SYNJ1: variants seen among roughly 807,000 people sequenced by gnomAD.
The protein encoded by SYNJ1 is polyphosphatidylinositol phosphatase SYNJ1.
A neutral mutation model predicts 168.2 loss-of-function variants in SYNJ1; 78 were observed. That is an observed-to-expected ratio of 0.46 (90% CI 0.39 to 0.56). The LOEUF is 0.56. Among genes scored for constraint, SYNJ1 ranks in the 20% least tolerant of loss-of-function variants. SYNJ1 has a pLI of 0.00. For synonymous variants in SYNJ1, 539 were observed against 548.6 expected, an observed-to-expected ratio of 0.98 and a Z score of 0.24; for missense variants, 1,303 against 1,597.6, an observed-to-expected ratio of 0.82 and a Z score of 3.14.
intron 9 of SYNJ1, 66 bp from the exon 10 acceptor site, chr21:32,684,185 T>C (rs756089680): frequency 1.1e-5 from 16 of 1,465,862 alleles, no homozygotes; most frequent in Non-Finnish European, 1.4e-5. Flanking sequence ...CAGTGAATAA[T>C]TGAGGTAATT....
Position 32,701,872 on chromosome 21 carries a change from C to T in SYNJ1, c.211+89G>A, listed in dbSNP as rs900935348. ...ATGTGTAGCTTAAATATGGAGTCTA[C>T]AATAATTCATAGCTAGTCCCTCTCA... is the stretch of plus-strand genomic sequence containing the variant. On this transcript the variant is annotated intron_variant, in intron 3 of 32. Coordinates refer to ENST00000674351, the MANE Select transcript of SYNJ1 (RefSeq NM_203446.3). 7 of 925,290 alleles carry T rather than the reference C, an allele frequency of 7.6e-6. No individual in the cohort carries two copies. In the African/African-American group the frequency reaches 9.9e-5, roughly 13 times the overall value. 57.3% of individuals were successfully genotyped at this position (925,290 alleles called of 1,614,324 possible).
chr21:32,679,802 G>GA (rs1403712057), intron 11 of SYNJ1, among the ~76,000 whole-genome samples: 1 of 152,008 alleles, frequency 6.6e-6, no homozygotes, highest in Non-Finnish European at 1.5e-5. Flanking sequence ...GACATTATTT[G>GA]AAAAGACACT....
chr21:32,683,892 C>G (rs1488279199), intron 10 of SYNJ1, 146 bp downstream of exon 10: 2 of 632,820 alleles, frequency 3.2e-6, no homozygotes, highest in Non-Finnish European at 5.2e-6. Context: ...GAAAGTTTGG[C>G]CAAAAAAAGA....
intron 2 of SYNJ1, among the ~76,000 whole-genome samples, chr21:32,714,166 G>A (rs868497586): frequency 1.3e-5 from 2 of 152,104 alleles, no homozygotes; most frequent in African/African-American, 2.4e-5. Context: ...AGACCCTGAC[G>A]CCAGAAAGAA....
intron 2 of SYNJ1, among the ~76,000 whole-genome samples, chr21:32,704,844 T>C (rs2042547698): frequency 6.6e-6 from 1 of 151,878 alleles, no homozygotes; most frequent in African/African-American, 2.4e-5. Flanking sequence ...GAATGGACAG[T>C]GTTGATTAGA....
intron 18 of SYNJ1, among the ~76,000 whole-genome samples, chr21:32,662,543 T>G (rs2040755425): frequency 6.6e-6 from 1 of 152,128 alleles, no homozygotes; most frequent in East Asian, 1.9e-4. Flanking sequence ...GACTGAAGAC[T>G]GATGGGGACT....
At chr21:32,669,478 T>C (rs1332507085) in intron 15 of SYNJ1, among the ~76,000 whole-genome samples, 6 of 152,214 alleles carry the variant, frequency 3.9e-5, no homozygotes, top group Admixed American at 2.0e-4. Flanking sequence ...TATAATGAAA[T>C]GTGTTAAAAT....
intron 21 of SYNJ1, 24 bp from the exon 22 acceptor site, chr21:32,653,390 C>T: frequency 6.5e-7 from 1 of 1,541,618 alleles, no homozygotes; most frequent in Non-Finnish European, 9.0e-7. Flanking sequence ...AATAAAAAAC[C>T]ATAATTAATA....
intron 20 of SYNJ1, 46 bp from the exon 21 acceptor site, chr21:32,656,948 G>A: frequency 6.2e-7 from 1 of 1,610,310 alleles, no homozygotes; most frequent in Non-Finnish European, 8.5e-7. Flanking sequence ...GTTTTTAAAA[G>A]GGTGTATTTC....
At chr21:32,637,406 C>CTTTTTTTTTT (rs5843562) in intron 31 of SYNJ1, among the ~76,000 whole-genome samples, 3 of 100,296 alleles carry the variant, frequency 3.0e-5, no homozygotes, top group South Asian at 3.4e-4. Flanking sequence ...TTTCTTTTTT[C>CTTTTTTTTTT]TTTTTTTTTT....
At chr21:32,709,297 T>C (rs2042729983) in intron 2 of SYNJ1, among the ~76,000 whole-genome samples, 1 of 151,636 alleles carries the variant, frequency 6.6e-6, no homozygotes, top group African/African-American at 2.4e-5. Flanking sequence ...ACCAGCATGG[T>C]GAAACCCTGT....
intron 31 of SYNJ1, among the ~76,000 whole-genome samples, chr21:32,635,742 C>T (rs750573850): frequency 1.2e-4 from 19 of 152,074 alleles, no homozygotes; most frequent in Non-Finnish European, 2.9e-5. Flanking sequence ...TTATCTTACT[C>T]AAATTTTCTG....
chr21:32,676,424 T>C (rs2041412102), intron 12 of SYNJ1, 69 bp from the exon 13 acceptor site: 4 of 1,482,662 alleles, frequency 2.7e-6, no homozygotes, highest in African/African-American at 1.4e-5. Context: ...ATGTTGAGTA[T>C]AGTGACAAAA....
Position 32,727,997 on chromosome 21 carries a change from C to G in SYNJ1, c.-74G>C, listed in dbSNP as rs1389780324. On this transcript the variant is annotated 5_prime_UTR_variant, in exon 1 of 33. Coordinates refer to ENST00000674351, the MANE Select transcript of SYNJ1 (RefSeq NM_203446.3). ...TCTCCCGCAGCCGCCGCCACAGCCG[C>G]CGGGAGCGTCACTTCCGCTCCAGCA... 4 of 1,536,108 alleles carry G rather than the reference C, an allele frequency of 2.6e-6. No homozygotes were observed. In the Admixed American group the frequency reaches 5.9e-5, roughly 23 times the overall value.
intron 21 of SYNJ1, 100 bp downstream of exon 21, chr21:32,656,586 CT>C (rs1241116848): frequency 9.9e-6 from 10 of 1,015,186 alleles, no homozygotes; most frequent in Admixed American, 5.6e-5. Flanking sequence ...AAGGTGGTAT[CT>C]TTCTTTTTTA....
intron 22 of SYNJ1, among the ~76,000 whole-genome samples, chr21:32,650,772 T>C (rs1282837218): frequency 1.3e-5 from 2 of 152,240 alleles, no homozygotes; most frequent in African/African-American, 4.8e-5. Context: ...TTCCTGTTCA[T>C]TTGGTCTTTC....
chr21:32,690,466 C>A (rs534830019), intron 6 of SYNJ1, among the ~76,000 whole-genome samples: 1 of 152,284 alleles, frequency 6.6e-6, no homozygotes, highest in South Asian at 2.1e-4. Flanking sequence ...CCCATCATGG[C>A]CTCCTAGACT....
Position 32,726,853 on chromosome 21 carries a change from G to T in SYNJ1, c.43C>A (p.Pro15Thr), listed in dbSNP as rs61755328. ...KGFRIYHKLDPPPFSLIVETR... is the reference protein window; with the variant it reads ...KGFRIYHKLDTPPFSLIVETR... The stretch of plus-strand genomic sequence containing the variant: ...TCCACTATGAGGCTGAAAGGTGGGG[G>T]ATCCAATTTGTGATAGATCCGGAAT... The change falls in exon 2 of 33, where the codon CCC becomes ACC. Residue 15 changes from proline to threonine, a missense_variant. Transcript: ENST00000674351. The T allele has an allele frequency of 6.2e-7, 1 of 1,614,100 alleles. No individual in the cohort carries two copies.
At chr21:32,662,098 G>A (rs1041016052) in intron 18 of SYNJ1, among the ~76,000 whole-genome samples, 1 of 152,126 alleles carries the variant, frequency 6.6e-6, no homozygotes, top group Non-Finnish European at 1.5e-5. Context: ...CCACAGCCGT[G>A]TGAAACCTGC....
Sources: allele counts gnomAD v4.1 joint callset (sites outside exome capture counted in the v4.1 genomes callset), GRCh38; gene constraint gnomAD v4.1.1; transcripts MANE v1.5; gene names NCBI Gene and HGNC (gene_info 2026-07-23, HGNC 2026-07-21).